Variants in ENOSF1 observed in about 807,000 individuals in gnomAD.
ENOSF1 encodes mitochondrial enolase superfamily member 1.
ENOSF1 carries 73 observed loss-of-function variants against 68.2 expected under a neutral mutation model. That is an observed-to-expected ratio of 1.07 (90% confidence interval 0.89 to 1.30). The LOEUF (loss-of-function observed/expected upper bound fraction) is 1.30, where lower values mean the gene tolerates loss of function less well. Among genes scored for constraint, ENOSF1 ranks in the 50% most tolerant of loss-of-function variants. The pLI, the probability that ENOSF1 is intolerant of heterozygous loss-of-function variation, is 0.00. For missense variants in ENOSF1, 589 were observed against 554.5 expected, an observed-to-expected ratio of 1.06 and a Z score of -0.62; for synonymous variants, 223 against 210.4, an observed-to-expected ratio of 1.06 and a Z score of -0.52.
chr18:704,750 C>T (rs1003363743), intron 2 of ENOSF1, among the ~76,000 whole-genome samples: 1 of 151,938 alleles, frequency 6.6e-6, no homozygotes, highest in African/African-American at 2.4e-5. Flanking sequence ...AGATTACAGC[C>T]ATGCATCACC....
At chr18:698,993 C>T (rs2078039544) in intron 2 of ENOSF1, among the ~76,000 whole-genome samples, 1 of 152,142 alleles carries the variant, frequency 6.6e-6, no homozygotes, top group African/African-American at 2.4e-5. Context: ...CTAGGACCTA[C>T]ACGCAACACC....
rs746787810 is a variant in ENOSF1, at chr18:697,374, ACT to A, written c.194-21_194-20del. 77 of 1,549,934 alleles carry A rather than the reference ACT, an allele frequency of 5.0e-5. No individual in the cohort carries two copies. The highest frequency in any genetic ancestry group is 3.4e-4 in the Middle Eastern group (2 of 5,952). ...CAGACAACTATTTAAAAAGGATTGA[ACT>A]CTTGTTTATGCTTCTATACTAGGTC... is the stretch of plus-strand genomic sequence containing the variant. On this transcript the variant is annotated intron_variant, in intron 2 of 15. Coordinates refer to ENST00000647584, the MANE Select transcript of ENOSF1 (RefSeq NM_017512.7).
In ENOSF1 at chr18:678,679, T is replaced by A; in HGVS notation, c.918+17A>T. 1 of 1,613,442 alleles carries A rather than the reference T, an allele frequency of 6.2e-7. No homozygotes were observed. Among genetic ancestry groups the A allele is most frequent in the Non-Finnish European group, 8.5e-7 (1 of 1,179,810 alleles). ...ACCCCAAGGGGACGTCATCCACCTG[T>A]TGGGGGCGTCACTCACCTGTTCTCC... On this transcript the variant is annotated intron_variant, in intron 12 of 15. Coordinates refer to ENST00000647584, the MANE Select transcript of ENOSF1 (RefSeq NM_017512.7).
chr18:690,475 G>T, intron 8 of ENOSF1, 74 bp downstream of exon 8: 1 of 1,516,562 alleles, frequency 6.6e-7, no homozygotes, highest in Non-Finnish European at 9.2e-7. Flanking sequence ...GAGAGTAGTG[G>T]TATGAGGACA....
chr18:670,435 G>C lies in ENOSF1; in HGVS notation c.*3870C>G. 2.2e-6 allele frequency: 1 copy of C among 454,472 alleles called. No individual in the cohort carries two copies. The highest frequency in any genetic ancestry group is 3.9e-6 in the Non-Finnish European group (1 of 253,950). The allele number at this position is 454,472 out of a possible 1,614,324, so 28.2% of individuals were successfully genotyped here. On this transcript the variant is annotated 3_prime_UTR_variant, in exon 16 of 16. Coordinates refer to ENST00000647584, the MANE Select transcript of ENOSF1 (RefSeq NM_017512.7). ...TAATCTGGTGCCACGAGGTAGCCCA[G>C]ATCCCTTCAGCTCTGATGGAAGAGC... is the stretch of plus-strand genomic sequence containing the variant.
intron 2 of ENOSF1, among the ~76,000 whole-genome samples, chr18:700,733 A>C (rs975013134): frequency 6.6e-6 from 1 of 151,876 alleles, no homozygotes; most frequent in East Asian, 1.9e-4. Flanking sequence ...AAAAATACAA[A>C]AATTAGCTGG....
Position 690,629 on chromosome 18 carries a change from T to C in ENOSF1, c.538A>G (p.Lys180Glu), listed in dbSNP as rs2077048580. The C allele has an allele frequency of 6.2e-7, 1 of 1,613,096 alleles. No individual in the cohort carries two copies. The highest frequency in any genetic ancestry group is 8.5e-7 in the Non-Finnish European group (1 of 1,180,018). The change falls in exon 8 of 16, where the codon AAG becomes GAG. Residue 180 changes from lysine to glutamate, a missense_variant and splice_region_variant. Physicochemically the swap from Lys to Glu is moderately conservative, Grantham distance 56. Coordinates refer to ENST00000647584, the MANE Select transcript of ENOSF1 (RefSeq NM_017512.7). Reference sequence around the variant, plus strand: ...GGGTATCCTTGTGCCAGCATTTGCTTCTCTGTGAAAACACAGCGCCGTCAA... The same window carrying C: ...GGGTATCCTTGTGCCAGCATTTGCTCCTCTGTGAAAACACAGCGCCGTCAA... ...KGQIGKKEREKQMLAQGYPAY... is the reference protein window; with the variant it reads ...KGQIGKKEREEQMLAQGYPAY...
At chr18:693,421 T>G (rs557729988) in intron 5 of ENOSF1, 238 of 1,136,882 alleles carry the variant, frequency 2.1e-4, no homozygotes, top group Non-Finnish European at 2.5e-4. Flanking sequence ...GCTCAAGCCA[T>G]CCTCCAGCCT....
At chr18:698,224 AT>A (rs1437804807) in intron 2 of ENOSF1, among the ~76,000 whole-genome samples, 1 of 152,262 alleles carries the variant, frequency 6.6e-6, no homozygotes, top group Non-Finnish European at 1.5e-5. Context: ...AGAATCATAG[AT>A]TGACAAGTTT....
rs370498524 is a variant in ENOSF1 at position 674,541 on chromosome 18, T to C, written c.1231-135A>G. The C allele has an allele frequency of 5.1e-4, 283 of 553,802 alleles. 5 individuals carry two copies. The South Asian group carries it at 6.3e-3, about 12-fold the overall frequency. 34.3% of individuals were successfully genotyped at this position (553,802 alleles called of 1,614,324 possible). On this transcript the variant is annotated intron_variant, in intron 15 of 15. Transcript: ENST00000647584. ...TTAATTAATTTTTTTTTTTTTGACA[T>C]GGAGTCACTGTCCGTTGCCCAGGCT...
rs139466480 is a variant in ENOSF1 at position 685,988 on chromosome 18, G to A, written c.674C>T (p.Ala225Val). 3.8e-5 allele frequency: 61 copies of A among 1,614,042 alleles called. No homozygotes were observed. In the East Asian group the frequency reaches 1.2e-3, roughly 33 times the overall value. Residue 225 changes from alanine (A) to valine (V), a missense_variant, in exon 10 of 16, where the codon GCT becomes GTT. Coordinates refer to ENST00000647584, the MANE Select transcript of ENOSF1 (RefSeq NM_017512.7). ...GWTRFKVKVG[A>V]DLQDDMRRCQ... ...TCTTCGCATGTCATCCTGGAGATCA[G>A]CACCCACCTTTACTTTAAACCTAGA...
At position 693,394 on chromosome 18, in the gene ENOSF1, C is replaced by T. The variant is rs1042157800; in HGVS notation, c.423+488G>A. On this transcript the variant is annotated intron_variant, in intron 5 of 15. Transcript: ENST00000647584. ...GCAGTGGTGCAATTATAGCTCACTG[C>T]AGCCTGAAACTCCTGGGCTCAAGCC... 7.0e-6 allele frequency: 8 copies of T among 1,148,786 alleles called. No homozygotes were observed. In the Admixed American group the frequency reaches 2.0e-4, roughly 28 times the overall value. The allele number at this position is 1,148,786 out of a possible 1,614,324, so 71.2% of individuals were successfully genotyped here.
chr18:691,226 G>A lies in ENOSF1; in HGVS notation c.474C>T (p.Val158=). ...CACCTAGGGCATCCTCCTCAGTCAG[G>A]ACATCAGTGATGTACCTGAAATCTA... The part of the protein sequence containing the change: ...SCIDFRYITD[V]LTEEDALEIL... Residue 158 remains valine, a synonymous_variant, in exon 6 of 16, where the codon GTC becomes GTT. Coordinates refer to ENST00000647584, the MANE Select transcript of ENOSF1 (RefSeq NM_017512.7). 6.2e-7 allele frequency: 1 copy of A among 1,614,156 alleles called. No individual in the cohort carries two copies. The highest frequency in any genetic ancestry group is 8.5e-7 in the Non-Finnish European group (1 of 1,180,032).
intron 1 of ENOSF1, among the ~76,000 whole-genome samples, chr18:709,354 G>C (rs916615917): frequency 6.6e-6 from 1 of 152,188 alleles, no homozygotes; most frequent in Non-Finnish European, 1.5e-5. Flanking sequence ...AGGCCACGAG[G>C]GGAGAGAGCA....
At position 670,826 on chromosome 18, in the gene ENOSF1, G is replaced by A. The variant is rs1304708715; in HGVS notation, c.*3479C>T. On this transcript the variant is annotated 3_prime_UTR_variant, in exon 16 of 16. Transcript: ENST00000647584. ...TGTGCCTTTCAACATCGCCAGCTACGCCCTGCTCACGTACATGATTGCGCA... is the reference window on the plus strand; with the variant it reads ...TGTGCCTTTCAACATCGCCAGCTACACCCTGCTCACGTACATGATTGCGCA... 5 of 1,614,030 alleles carry A rather than the reference G, an allele frequency of 3.1e-6. No homozygotes were observed. The highest frequency in any genetic ancestry group is 3.4e-6 in the Non-Finnish European group (4 of 1,180,010).
chr18:683,784 T>C lies in ENOSF1; in HGVS notation c.742-404A>G, dbSNP rs192481350. On this transcript the variant is annotated intron_variant, in intron 10 of 15. Coordinates refer to ENST00000647584, the MANE Select transcript of ENOSF1 (RefSeq NM_017512.7). ...CATTCTGAATCATGCACAATCAACATTGTTTGTTCAATAGTCATTTATTGA... is the reference window on the plus strand; with the variant it reads ...CATTCTGAATCATGCACAATCAACACTGTTTGTTCAATAGTCATTTATTGA... Among the ~76,000 whole-genome samples the C allele has an allele frequency of 5.3e-4, 81 of 152,002 alleles. 1 individual carries two copies. The highest frequency in any genetic ancestry group is 3.8e-4 in the Non-Finnish European group (26 of 67,972).
At chr18:669,337 C>T (rs112803854), downstream of ENOSF1, 928 of 549,412 alleles carry the variant, frequency 1.7e-3, 10 homozygotes, top group African/African-American at 0.016. Flanking sequence ...TGCACTTTCA[C>T]CTTCAGATCA....
intron 9 of ENOSF1, 140 bp from the exon 10 acceptor site, chr18:686,148 C>T (rs529123034): frequency 1.5e-6 from 1 of 654,692 alleles, no homozygotes; most frequent in East Asian, 2.7e-5. Flanking sequence ...TCCTCATCTT[C>T]AGATAAGTCA....
rs1287982654 is a variant in ENOSF1 at position 697,245 on chromosome 18, T to A, written c.304A>T (p.Arg102Ter). The change falls in exon 3 of 16, where the codon AGA becomes TGA. Residue 102 changes from arginine to a stop codon, truncating the protein, a stop_gained. Transcript: ENST00000647584. LOFTEE classifies it high-confidence loss of function. ...TTACAAAATAGGTCCCTTACCCATC[T>A]GAGCTGCCCATCACTTGTGAGCTGC... ...YRQLTSDGQL[R>*]WIGPEKGVVH... 1 of 1,612,868 alleles carries A rather than the reference T, an allele frequency of 6.2e-7. No individual in the cohort carries two copies.
Sources: allele counts gnomAD v4.1 joint callset (sites outside exome capture counted in the v4.1 genomes callset), GRCh38; gene constraint gnomAD v4.1.1; transcripts MANE v1.5; gene names NCBI Gene and HGNC (gene_info 2026-07-23, HGNC 2026-07-21).